The following LGALS14 variants were observed in gnomAD, a reference collection of about 807,000 sequenced individuals.
The protein encoded by LGALS14 is placental protein 13-like.
Under a neutral mutation model 14.6 loss-of-function variants are expected in LGALS14, and 14 were observed. That is an observed-to-expected ratio of 0.96 (90% CI 0.64 to 1.50). The LOEUF is 1.50. Among genes scored for constraint, LGALS14 ranks in the 40% most tolerant of loss-of-function variants. LGALS14 has a pLI of 0.00. For synonymous variants in LGALS14, 57 were observed against 63.9 expected, an observed-to-expected ratio of 0.89 and a Z score of 0.51; for missense variants, 180 against 172.0, an observed-to-expected ratio of 1.05 and a Z score of -0.26.
At chr19:39,706,480 G>C in intron 1 of LGALS14, 117 bp from the exon 2 acceptor site, 1 of 737,076 alleles carries the variant, frequency 1.4e-6, no homozygotes, top group African/African-American at 1.7e-5. Flanking sequence ...AGGGTGAAAG[G>C]GGAGAGGCCT....
intron 3 of LGALS14, 141 bp from the exon 4 acceptor site, chr19:39,709,056 C>T (rs964533279): frequency 4.4e-6 from 3 of 682,698 alleles, no homozygotes; most frequent in South Asian, 1.7e-5. Flanking sequence ...CCTGTAAAAT[C>T]ACAGAAGTGT....
In LGALS14 at chr19:39,704,508, G is replaced by A. The variant is rs1440595638; in HGVS notation, c.-21G>A. On this transcript the variant is annotated 5_prime_UTR_variant, in exon 1 of 4. Coordinates refer to ENST00000392052, the MANE Select transcript of LGALS14 (RefSeq NM_020129.3). Reference sequence around the variant, plus strand: ...AGAAGACTGGACACAATTCCGAAGAGCTGCCCAGAAGGAGAGAACAATGTC... The same window carrying A: ...AGAAGACTGGACACAATTCCGAAGAACTGCCCAGAAGGAGAGAACAATGTC... 6.2e-7 allele frequency: 1 copy of A among 1,613,404 alleles called. No homozygotes were observed. Among genetic ancestry groups the A allele is most frequent in the East Asian group, 2.2e-5 (1 of 44,770 alleles).
At chr19:39,706,898 G>A (rs1315834006) in intron 2 of LGALS14, among the ~76,000 whole-genome samples, 1 of 152,172 alleles carries the variant, frequency 6.6e-6, no homozygotes, top group Non-Finnish European at 1.5e-5. Context: ...GTGGGTTTGG[G>A]TTGTGGCTCT....
chr19:39,704,671 G>C, intron 1 of LGALS14, 128 bp downstream of exon 1: 2 of 859,946 alleles, frequency 2.3e-6, no homozygotes, highest in Non-Finnish European at 3.7e-6. Flanking sequence ...TTGTGGGTGT[G>C]TAGAAGAGAA....
intron 1 of LGALS14, among the ~76,000 whole-genome samples, chr19:39,705,258 C>T (rs533018765): frequency 1.7e-4 from 26 of 152,220 alleles, no homozygotes; most frequent in Admixed American, 1.4e-3. Context: ...GGAAAAGGAA[C>T]GCAGATTATG....
At position 39,705,923 on chromosome 19, in the gene LGALS14, AGGC is replaced by A. The variant is rs759620228; in HGVS notation, c.16-673_16-671del. 3.7e-5 allele frequency: 60 copies of A among 1,613,770 alleles called. 1 individual carries two copies. In the South Asian group the frequency reaches 5.4e-4, roughly 14 times the overall value. ...CCCTCCAGTTATGTCCCTGACCCAC[AGGC>A]TTCATTTGTGCAAGTACTGGGGCTG... is the stretch of plus-strand genomic sequence containing the variant. On this transcript the variant is annotated intron_variant, in intron 1 of 3. Transcript: ENST00000392052.
rs1973689508 is a variant in LGALS14 at position 39,704,636 on chromosome 19, C to T, written c.15+93C>T. The stretch of plus-strand genomic sequence containing the variant: ...TTTCTGAGTTGAAAATATGAGCATT[C>T]CTACTGTGAATGCATTACCGAGAGT... On this transcript the variant is annotated intron_variant, in intron 1 of 3. Coordinates refer to ENST00000392052, the MANE Select transcript of LGALS14 (RefSeq NM_020129.3). The T allele has an allele frequency of 4.1e-6, 5 of 1,229,170 alleles. No homozygotes were observed. In the South Asian group the frequency reaches 6.3e-5, roughly 16 times the overall value. The allele number at this position is 1,229,170 out of a possible 1,614,324, so 76.1% of individuals were successfully genotyped here. A position where few individuals can be genotyped will look rare whatever the true frequency, so the allele number is the denominator to read the frequency against.
chr19:39,705,733 A>T, intron 1 of LGALS14: 1 of 634,226 alleles, frequency 1.6e-6, no homozygotes. Flanking sequence ...CCCCAGCTAC[A>T]CAAGAGGGGG....
At chr19:39,707,466 C>A in intron 3 of LGALS14, 78 bp downstream of exon 3, 1 of 1,158,304 alleles carries the variant, frequency 8.6e-7, no homozygotes, top group Non-Finnish European at 1.3e-6. Context: ...GACCTGGTGC[C>A]ACCAGTCCCT....
At chr19:39,709,162 C>G (rs370865569) in intron 3 of LGALS14, 35 bp from the exon 4 acceptor site, 333 of 1,290,456 alleles carry the variant, frequency 2.6e-4, no homozygotes, top group Non-Finnish European at 3.7e-4. Context: ...TGTTTGGTGG[C>G]ATGCTGTCTT....
At chr19:39,705,888 A>G (rs562047599) in intron 1 of LGALS14, 1 of 1,612,254 alleles carries the variant, frequency 6.2e-7, no homozygotes, top group South Asian at 1.1e-5. Context: ...CGTCGTAGAA[A>G]TCAATCATTC....
rs376901637 is a variant in LGALS14 at position 39,708,413 on chromosome 19, CT to C, written c.304-783del. Among the ~76,000 whole-genome samples, 523 of 152,014 alleles carry C rather than the reference CT, an allele frequency of 3.4e-3. 4 individuals are homozygous for C. The highest frequency in any genetic ancestry group is 0.018 in the South Asian group (89 of 4,812). On this transcript the variant is annotated intron_variant, in intron 3 of 3. Coordinates refer to ENST00000392052, the MANE Select transcript of LGALS14 (RefSeq NM_020129.3). ...GCCGTATTAAGTTTTATAGTCAATC[CT>C]CTTGTCATTACTAATTTCCCAATAC...
At chr19:39,707,813 T>C (rs561252016) in intron 3 of LGALS14, among the ~76,000 whole-genome samples, 2 of 152,292 alleles carry the variant, frequency 1.3e-5, no homozygotes, top group East Asian at 3.9e-4. Flanking sequence ...AAACTTTTTA[T>C]TTTTTTATTT....
chr19:39,709,225 A>G lies in LGALS14; in HGVS notation c.332A>G (p.Asn111Ser), dbSNP rs1411167827. Residue 111 changes from asparagine to serine, a missense_variant, in exon 4 of 4, where the codon AAC (asparagine) becomes AGC (serine). Asn to Ser is a conservative substitution (Grantham distance 46, BLOSUM62 1). Coordinates refer to ENST00000392052, the MANE Select transcript of LGALS14 (RefSeq NM_020129.3). ...ATGGTAAATGGCCAACGCATTTACAACTTTGCCCATCGATTCCCGCCAGCA... is the reference window on the plus strand; with the variant it reads ...ATGGTAAATGGCCAACGCATTTACAGCTTTGCCCATCGATTCCCGCCAGCA... Reference protein sequence around the residue: ...KVMVNGQRIYNFAHRFPPASV... With the variant: ...KVMVNGQRIYSFAHRFPPASV... The G allele has an allele frequency of 1.9e-6, 3 of 1,613,132 alleles. No individual in the cohort carries two copies. The highest frequency in any genetic ancestry group is 2.2e-5 in the South Asian group (2 of 91,062).
rs371441994 is a variant in LGALS14, at chr19:39,705,778, G to A, written c.16-819G>A. On this transcript the variant is annotated intron_variant, in intron 1 of 3. Transcript: ENST00000392052. Reference sequence around the variant, plus strand: ...GAGGATCACTGCAGTCCAGGAGTTCGATGTTTCAGTGAGCTGTGATTGCAC... The same window carrying A: ...GAGGATCACTGCAGTCCAGGAGTTCAATGTTTCAGTGAGCTGTGATTGCAC... The A allele has an allele frequency of 8.1e-6, 9 of 1,115,988 alleles. No homozygotes were observed. The African/African-American group carries it at 9.2e-5, about 11-fold the overall frequency. The allele number at this position is 1,115,988 out of a possible 1,614,324, so 69.1% of individuals were successfully genotyped here. A position where few individuals can be genotyped will look rare whatever the true frequency, so the allele number is the denominator to read the frequency against.
At chr19:39,706,501 C>A in intron 1 of LGALS14, 96 bp from the exon 2 acceptor site, 1 of 874,962 alleles carries the variant, frequency 1.1e-6, no homozygotes, top group Non-Finnish European at 1.9e-6. Context: ...CAGAGTCTGA[C>A]CTTTGATCTC....
intron 1 of LGALS14, chr19:39,706,032 G>A (rs1284982415): frequency 6.8e-6 from 11 of 1,611,732 alleles, no homozygotes; most frequent in Non-Finnish European, 8.5e-6. Flanking sequence ...CCCACACACA[G>A]GGGTTTCCTG....
At chr19:39,705,744 C>A (rs373704366) in intron 1 of LGALS14, 3 of 683,784 alleles carry the variant, frequency 4.4e-6, no homozygotes, top group Non-Finnish European at 4.8e-6. Flanking sequence ...CAAGAGGGGG[C>A]AGATGTGTGA....
At chr19:39,705,850 T>C (rs1568493465) in intron 1 of LGALS14, 1 of 1,604,998 alleles carries the variant, frequency 6.2e-7, no homozygotes, top group Non-Finnish European at 8.5e-7. Flanking sequence ...ATCTCAAAAA[T>C]ACAGAAAAAT....
Sources: gnomAD v4.1 joint callset for allele counts (sites outside exome capture counted in the v4.1 genomes callset) on GRCh38, gnomAD v4.1.1 for gene constraint, MANE v1.5 for transcripts, NCBI Gene and HGNC (gene_info 2026-07-23, HGNC 2026-07-21) for gene names.